RANGAP1: variants seen among roughly 807,000 people sequenced by gnomAD.
RANGAP1 encodes the protein ran GTPase-activating protein 1.
In RANGAP1, 38 loss-of-function variants were observed where a neutral mutation model predicts 63.5. The ratio of observed to expected loss-of-function variants is 0.60; its 90% confidence interval spans 0.46 to 0.78. The LOEUF is 0.78. Ranked by LOEUF, RANGAP1 falls within the 30% of genes least tolerant of loss-of-function variation. The pLI, the probability that RANGAP1 is intolerant of heterozygous loss-of-function variation, is 0.00. For missense variants in RANGAP1, 630 were observed against 740.3 expected (o/e 0.85, Z 1.73); for synonymous variants, 329 against 310.5 (o/e 1.06, Z -0.63).
intron 1 of RANGAP1, among the ~76,000 whole-genome samples, chr22:41,284,346 T>A (rs1347397446): frequency 4.6e-5 from 7 of 152,008 alleles, no homozygotes; most frequent in Non-Finnish European, 8.8e-5. Context: ...GGTGGGTGGA[T>A]TACCTGAGGT....
In RANGAP1 at chr22:41,254,392, C is replaced by CTCCTCCTCTTCTTCCTCCTCT; in HGVS notation, c.1155_1175dup (p.Glu391_Glu397dup). On this transcript the variant is annotated inframe_insertion, in exon 11 of 16. Coordinates refer to ENST00000356244, the MANE Select transcript of RANGAP1 (RefSeq NM_002883.4). Reference sequence around the variant, plus strand: ...GCTGCTGAGGCTCTTCTTCCTCCTCCTCCTCCTCTTCTTCCTCCTCTTCCT... The same window carrying CTCCTCCTCTTCTTCCTCCTCT: ...GCTGCTGAGGCTCTTCTTCCTCCTCCTCCTCCTCTTCTTCCTCCTCTTCCTCCTCTTCTTCCTCCTCTTCCT... 2 of 1,613,950 alleles carry CTCCTCCTCTTCTTCCTCCTCT rather than the reference C, an allele frequency of 1.2e-6. No individual in the cohort carries two copies. The highest frequency in any genetic ancestry group is 1.7e-6 in the Non-Finnish European group (2 of 1,179,890).
chr22:41,293,817 A>T, the RANGAP1 span, among the ~76,000 whole-genome samples: 1 of 151,830 alleles, frequency 6.6e-6, no homozygotes, highest in African/African-American at 2.4e-5. Flanking sequence ...TGGTTTTTTA[A>T]AAAAATTCCT....
chr22:41,296,506 G>C, the RANGAP1 span, among the ~76,000 whole-genome samples: 2 of 152,090 alleles, frequency 1.3e-5, no homozygotes, highest in Non-Finnish European at 2.9e-5. Flanking sequence ...AATTAGCCGG[G>C]TGTGGTGGCA....
In RANGAP1 at chr22:41,245,166, C is replaced by T. The variant is rs6002296; in HGVS notation, c.*1437G>A. 1.1e-3 allele frequency among the ~76,000 whole-genome samples: 163 copies of T among 152,336 alleles called. No individual in the cohort carries two copies. Among genetic ancestry groups the T allele is most frequent in the African/African-American group, 3.5e-3 (147 of 41,574 alleles). ...GTATCCTCTGCCACCTGGTCACCTACGTGGCCGACTGCCAATGAGAAAATA... is the reference window on the plus strand; with the variant it reads ...GTATCCTCTGCCACCTGGTCACCTATGTGGCCGACTGCCAATGAGAAAATA... On this transcript the variant is annotated 3_prime_UTR_variant, in exon 16 of 16. Coordinates refer to ENST00000356244, the MANE Select transcript of RANGAP1 (RefSeq NM_002883.4).
chr22:41,251,138 T>C, intron 12 of RANGAP1, 29 bp from the exon 13 acceptor site: 1 of 1,586,264 alleles, frequency 6.3e-7, no homozygotes, highest in Non-Finnish European at 8.7e-7. Context: ...ATGGTTGGCC[T>C]GTGGCACGTG....
Position 41,245,920 on chromosome 22 carries a change from G to A in RANGAP1, c.*683C>T, listed in dbSNP as rs73885753. ...AGCCAGGAGAAGGCCCACTAGGTCC[G>A]GGGCCAGCGCAGTCCCAGCAGCTCC... On this transcript the variant is annotated 3_prime_UTR_variant, in exon 16 of 16. Transcript: ENST00000356244. The A allele has an allele frequency of 0.041, 6,286 of 152,794 alleles. 433 individuals carry two copies. The highest frequency in any genetic ancestry group is 0.14 in the African/African-American group (5,951 of 41,506). 9.5% of individuals were successfully genotyped at this position (152,794 alleles called of 1,614,324 possible). A position where few individuals can be genotyped will look rare whatever the true frequency, so the allele number is the denominator to read the frequency against.
chr22:41,261,168 C>T lies in RANGAP1; in HGVS notation c.615+278G>A, dbSNP rs543610364. On this transcript the variant is annotated intron_variant, in intron 6 of 15. Coordinates refer to ENST00000356244, the MANE Select transcript of RANGAP1 (RefSeq NM_002883.4). The stretch of plus-strand genomic sequence containing the variant: ...ACTTCTGAGCCTGGCAGATGACACT[C>T]CTTGGTCAGAGTGGCCTGCCTGGCC... 1.8e-4 allele frequency among the ~76,000 whole-genome samples: 28 copies of T among 152,360 alleles called. No homozygotes were observed. In the South Asian group the frequency reaches 5.2e-3, roughly 28 times the overall value.
At chr22:41,292,891 C>T in the RANGAP1 span, among the ~76,000 whole-genome samples, 1 of 151,998 alleles carries the variant, frequency 6.6e-6, no homozygotes, top group Non-Finnish European at 1.5e-5. Flanking sequence ...ATTGCTTGAG[C>T]CCAGGAGTTC....
chr22:41,246,486 C>T lies in RANGAP1; in HGVS notation c.*117G>A, dbSNP rs2145656335. On this transcript the variant is annotated 3_prime_UTR_variant, in exon 16 of 16. Coordinates refer to ENST00000356244, the MANE Select transcript of RANGAP1 (RefSeq NM_002883.4). ...ACTGACAGGACACATGGGACACAGACCCGCCCTGCCTGTGGCCAGAGTCCT... is the reference window on the plus strand; with the variant it reads ...ACTGACAGGACACATGGGACACAGATCCGCCCTGCCTGTGGCCAGAGTCCT... The T allele has an allele frequency of 8.6e-7, 1 of 1,163,206 alleles. No individual in the cohort carries two copies. The highest frequency in any genetic ancestry group is 1.2e-6 in the Non-Finnish European group (1 of 815,308). 72.1% of individuals were successfully genotyped at this position (1,163,206 alleles called of 1,614,324 possible). A position where few individuals can be genotyped will look rare whatever the true frequency, so the allele number is the denominator to read the frequency against.
At chr22:41,292,679 G>A in the RANGAP1 span, among the ~76,000 whole-genome samples, 117 of 151,698 alleles carry the variant, frequency 7.7e-4, no homozygotes, top group Non-Finnish European at 1.5e-3. Context: ...CCCGGGAGGC[G>A]GAGGTTGCAT....
In RANGAP1 at chr22:41,256,010, G is replaced by A. The variant is rs534929146; in HGVS notation, c.1073+11C>T. 5.6e-6 allele frequency: 9 copies of A among 1,612,096 alleles called. No individual in the cohort carries two copies. Among genetic ancestry groups the A allele is most frequent in the Middle Eastern group, 1.7e-4 (1 of 5,986 alleles). ...TGACCCCGACCTCTGGGGCCACCCC[G>A]AGTTCCCTACCTGAGGGACGCCAGC... On this transcript the variant is annotated intron_variant, in intron 10 of 15. Coordinates refer to ENST00000356244, the MANE Select transcript of RANGAP1 (RefSeq NM_002883.4).
At chr22:41,256,383 G>T in intron 8 of RANGAP1, 93 bp from the exon 9 acceptor site, 1 of 1,286,328 alleles carries the variant, frequency 7.8e-7, no homozygotes, top group Non-Finnish European at 1.1e-6. Context: ...GTGAGGATAT[G>T]GCAGGCTCTG....
chr22:41,268,081 C>T lies in RANGAP1; in HGVS notation c.300+16G>A, dbSNP rs145582269. The stretch of plus-strand genomic sequence containing the variant: ...GGGCCTTGCGCGTGGAGGGGAAGAG[C>T]GGCTAGTTCGCTTACCAGGGCTGGT... On this transcript the variant is annotated intron_variant, in intron 4 of 15. Coordinates refer to ENST00000356244, the MANE Select transcript of RANGAP1 (RefSeq NM_002883.4). 18 of 1,530,886 alleles carry T rather than the reference C, an allele frequency of 1.2e-5. No homozygotes were observed. Among genetic ancestry groups the T allele is most frequent in the Middle Eastern group, 3.4e-4 (2 of 5,956 alleles). The allele number at this position is 1,530,886 out of a possible 1,614,324, so 94.8% of individuals were successfully genotyped here.
intron 2 of RANGAP1, among the ~76,000 whole-genome samples, chr22:41,279,717 G>A (rs1482525763): frequency 6.6e-6 from 1 of 150,698 alleles, no homozygotes; most frequent in Non-Finnish European, 1.5e-5. Context: ...CAGGAGAATC[G>A]CTTGAACCTG....
chr22:41,299,509 TC>T, the RANGAP1 span, among the ~76,000 whole-genome samples: 1 of 152,158 alleles, frequency 6.6e-6, no homozygotes, highest in Admixed American at 6.6e-5. Flanking sequence ...CCTTAGGTGA[TC>T]CACCTACCTT....
intron 4 of RANGAP1, 148 bp downstream of exon 4, chr22:41,267,949 G>C: frequency 1.3e-6 from 1 of 786,890 alleles, no homozygotes; most frequent in South Asian, 1.7e-5. Context: ...CACAGGGCAC[G>C]TGCTGGACTT....
At position 41,254,460 on chromosome 22, in the gene RANGAP1, C is replaced by T. The variant is rs1229718293; in HGVS notation, c.1108G>A (p.Glu370Lys). The change falls in exon 11 of 16, where the codon GAA (glutamate) becomes AAA (lysine). Residue 370 changes from glutamate to lysine, a missense_variant. Glu to Lys is a moderately conservative substitution (Grantham distance 56). Transcript: ENST00000356244. ...DEDEEEEEEG[E>K]EEEEEAEEEE... ...TCTTCTGCTTCCTCTTCTTCCTCTTCTCCTTCCTCCTCCTCCTCCTCGTCC... is the reference window on the plus strand; with the variant it reads ...TCTTCTGCTTCCTCTTCTTCCTCTTTTCCTTCCTCCTCCTCCTCCTCGTCC... The T allele has an allele frequency of 1.2e-6, 2 of 1,606,742 alleles. No individual in the cohort carries two copies. Among genetic ancestry groups the T allele is most frequent in the East Asian group, 4.5e-5 (2 of 44,852 alleles).
In RANGAP1 at chr22:41,251,063, A is replaced by G. The variant is rs762773778; in HGVS notation, c.1427T>C (p.Val476Ala). ...PEKVVSAFLK[V>A]SSVFKDEATV... ...AGCTTCGTCCTTGAACACAGATGACACCTTTAGGAAGGCAGAGACCACCTT... is the reference window on the plus strand; with the variant it reads ...AGCTTCGTCCTTGAACACAGATGACGCCTTTAGGAAGGCAGAGACCACCTT... Residue 476 changes from valine (V) to alanine (A), a missense_variant, in exon 13 of 16, where the codon GTG (valine) becomes GCG (alanine). Val to Ala is a moderately conservative substitution (Grantham distance 64, BLOSUM62 0). Transcript: ENST00000356244. 1 of 1,613,776 alleles carries G rather than the reference A, an allele frequency of 6.2e-7. No homozygotes were observed. Among genetic ancestry groups the G allele is most frequent in the South Asian group, 1.1e-5 (1 of 91,054 alleles).
chr22:41,271,825 G>C (rs1398516009), intron 3 of RANGAP1, among the ~76,000 whole-genome samples: 1 of 152,200 alleles, frequency 6.6e-6, no homozygotes, highest in African/African-American at 2.4e-5. Context: ...TGCAGCAGCA[G>C]AGAGAACCCC....
Sources: allele counts gnomAD v4.1 joint callset (sites outside exome capture counted in the v4.1 genomes callset), GRCh38; gene constraint gnomAD v4.1.1; transcripts MANE v1.5; gene names NCBI Gene and HGNC (gene_info 2026-07-23, HGNC 2026-07-21).